XPO1: variants seen among roughly 807,000 people sequenced by gnomAD.
XPO1 encodes exportin 1, also known as exportin-1.
Under a neutral mutation model 133.3 loss-of-function variants are expected in XPO1, and 5 were observed. The ratio of observed to expected loss-of-function variants is 0.04; its 90% CI spans 0.02 to 0.08. The LOEUF (loss-of-function observed/expected upper bound fraction) is 0.08. XPO1 is among the 10% of genes least tolerant of loss of function. XPO1 has a pLI of 1.00. For missense variants in XPO1, 506 were observed against 1,267.5 expected (o/e 0.40, Z 9.12); for synonymous variants, 419 against 408.2 (o/e 1.03, Z -0.32).
rs961191756 is a variant in XPO1 at position 61,488,826 on chromosome 2, G to C, written c.2023-55C>G. ...TCATATAAGAATTATCCACGGCTGG[G>C]AACAGTGGCTCACGCCTGTAATCCC... is the stretch of plus-strand genomic sequence containing the variant. On this transcript the variant is annotated intron_variant, in intron 17 of 24. Coordinates refer to ENST00000401558, the MANE Select transcript of XPO1 (RefSeq NM_003400.4). 3.8e-6 allele frequency: 6 copies of C among 1,579,834 alleles called. No individual in the cohort carries two copies. The Admixed American group carries it at 7.0e-5, about 18-fold the overall frequency.
chr2:61,509,249 C>A (rs1697973106), intron 4 of XPO1, among the ~76,000 whole-genome samples: 2 of 152,012 alleles, frequency 1.3e-5, no homozygotes, highest in African/African-American at 4.8e-5. Flanking sequence ...AGGCAACCCA[C>A]CTGCCTCAGC....
At position 61,496,912 on chromosome 2, in the gene XPO1, T is replaced by G. The variant is rs1238414691; in HGVS notation, c.855A>C (p.Thr285=). 3.1e-6 allele frequency: 5 copies of G among 1,611,332 alleles called. No homozygotes were observed. The highest frequency in any genetic ancestry group is 3.4e-6 in the Non-Finnish European group (4 of 1,179,320). ...GTTGCATCATTGTCAGAGTAAATAGTGTTACAAATTGTTCTTCATATTGGC... is the reference window on the plus strand; with the variant it reads ...GTTGCATCATTGTCAGAGTAAATAGGGTTACAAATTGTTCTTCATATTGGC... ...SVSQYEEQFV[T]LFTLTMMQLK... is the part of the protein sequence containing the mutation. The change falls in exon 10 of 25, where the codon ACA becomes ACC. Residue 285 remains threonine (T), a synonymous_variant. Transcript: ENST00000401558.
At chr2:61,490,136 G>T (rs779275204) in intron 17 of XPO1, among the ~76,000 whole-genome samples, 4 of 151,332 alleles carry the variant, frequency 2.6e-5, no homozygotes, top group African/African-American at 9.7e-5. Flanking sequence ...TGATCCACCC[G>T]TCTCGGTCTC....
intron 4 of XPO1, among the ~76,000 whole-genome samples, chr2:61,517,325 T>TG (rs1457106992): frequency 6.6e-6 from 1 of 152,204 alleles, no homozygotes; most frequent in Non-Finnish European, 1.5e-5. Flanking sequence ...GTGATATACC[T>TG]GTAACCCCAG....
intron 2 of XPO1, among the ~76,000 whole-genome samples, chr2:61,530,254 C>T (rs1699092337): frequency 6.6e-6 from 1 of 152,184 alleles, no homozygotes; most frequent in African/African-American, 2.4e-5. Context: ...TCAATCGCTA[C>T]ATAAATAATA....
chr2:61,491,429 C>T (rs1032781761), intron 16 of XPO1, among the ~76,000 whole-genome samples: 3 of 149,068 alleles, frequency 2.0e-5, no homozygotes, highest in East Asian at 2.0e-4. Context: ...CCAGCATGGA[C>T]GACAGAGTGA....
intron 4 of XPO1, among the ~76,000 whole-genome samples, chr2:61,518,474 G>A (rs866378802): frequency 4.7e-5 from 7 of 147,402 alleles, no homozygotes; most frequent in East Asian, 2.0e-4. Flanking sequence ...AAAGTTAGCC[G>A]GGCGTGGTGG....
chr2:61,484,739 T>G (rs1272008638), intron 20 of XPO1: 1 of 152,598 alleles, frequency 6.6e-6, no homozygotes, highest in African/African-American at 2.4e-5. Flanking sequence ...GCCATTCTCC[T>G]GCCTCAGCCT....
intron 4 of XPO1, among the ~76,000 whole-genome samples, chr2:61,517,124 G>A (rs369688559): frequency 2.0e-5 from 3 of 151,668 alleles, no homozygotes; most frequent in African/African-American, 7.3e-5. Flanking sequence ...GGCTAGTCTC[G>A]AACTGACCTC....
In XPO1 at chr2:61,492,784, GAGC is replaced by G. The variant is rs774422008; in HGVS notation, c.1385-39_1385-37del. The G allele has an allele frequency of 4.4e-6, 7 of 1,599,314 alleles. No individual in the cohort carries two copies. Among genetic ancestry groups the G allele is most frequent in the East Asian group, 2.2e-5 (1 of 44,738 alleles). Reference sequence around the variant, plus strand: ...AAACATGGTTTCAAATGCAAATAATGAGCAGAATTTTATTGATGAGTAACAATA... The same window carrying G: ...AAACATGGTTTCAAATGCAAATAATGAGAATTTTATTGATGAGTAACAATA... On this transcript the variant is annotated intron_variant, in intron 13 of 24. Transcript: ENST00000401558. This position sits in a 1 kb window ranked among gnomAD's most constrained non-coding sequence, Gnocchi z 5.6.
intron 4 of XPO1, among the ~76,000 whole-genome samples, chr2:61,504,880 G>A (rs1346416346): frequency 1.3e-5 from 2 of 151,832 alleles, no homozygotes; most frequent in Non-Finnish European, 2.9e-5. Context: ...TCCTAATTAC[G>A]AAAAAAATAT....
intron 1 of XPO1, among the ~76,000 whole-genome samples, chr2:61,537,351 C>T (rs570635155): frequency 6.6e-6 from 1 of 151,378 alleles, no homozygotes; most frequent in Admixed American, 6.6e-5. Context: ...GCTCCCCTCC[C>T]GAGGCCGCCT....
chr2:61,494,803 T>C (rs1697162491), intron 11 of XPO1: 2 of 148,900 alleles, frequency 1.3e-5, no homozygotes, highest in South Asian at 4.2e-4. Context: ...TTTATATATA[T>C]ATATACTTAA....
chr2:61,521,657 C>T lies in XPO1; in HGVS notation c.301+954G>A, dbSNP rs191631590. 7.2e-5 allele frequency among the ~76,000 whole-genome samples: 11 copies of T among 152,274 alleles called. No homozygotes were observed. The East Asian group carries it at 2.1e-3, about 29-fold the overall frequency. ...CTTCATTTCAGAAGCCAACCTCTTC[C>T]AAGGCATTCCCAGAACCACAAAAGG... On this transcript the variant is annotated intron_variant, in intron 4 of 24. Transcript: ENST00000401558.
chr2:61,529,400 G>T (rs2084195), intron 2 of XPO1, among the ~76,000 whole-genome samples: 91,406 of 151,964 alleles, frequency 0.6, 27,577 homozygotes, highest in Middle Eastern at 0.7. Context: ...GCTCACGCCT[G>T]TAATCCCAAC....
intron 4 of XPO1, among the ~76,000 whole-genome samples, chr2:61,521,359 G>A (rs560040451): frequency 3.0e-4 from 46 of 152,140 alleles, no homozygotes; most frequent in South Asian, 8.3e-4. Context: ...AATAATCAAA[G>A]AAATTAGACA....
At chr2:61,513,363 CTT>C (rs55865110) in intron 4 of XPO1, among the ~76,000 whole-genome samples, 27,141 of 125,976 alleles carry the variant, frequency 0.22, 2,817 homozygotes, top group East Asian at 0.35. Context: ...TACAGAATAT[CTT>C]TTTTTTTTTT....
chr2:61,518,388 TAAAA>T (rs986949403), intron 4 of XPO1, among the ~76,000 whole-genome samples: 22 of 125,692 alleles, frequency 1.8e-4, no homozygotes, highest in Admixed American at 6.4e-4. Context: ...CCGTCTCTAC[TAAAA>T]AAAAAAACAA....
intron 2 of XPO1, among the ~76,000 whole-genome samples, chr2:61,531,066 A>G (rs1699133992): frequency 6.6e-6 from 1 of 152,202 alleles, no homozygotes; most frequent in Non-Finnish European, 1.5e-5. Context: ...GACGTCTAAC[A>G]CTAAAAATCA....
Sources: allele counts gnomAD v4.1 joint callset (sites outside exome capture counted in the v4.1 genomes callset), GRCh38; gene constraint gnomAD v4.1.1; non-coding constraint Gnocchi (gnomAD v3.1); transcripts MANE v1.5; gene names NCBI Gene and HGNC (gene_info 2026-07-23, HGNC 2026-07-21).